CSMD1: variants seen among roughly 807,000 people sequenced by gnomAD.
The protein encoded by CSMD1 is CUB and Sushi multiple domains 1, also known as CUB and sushi domain-containing protein 1.
A neutral mutation model predicts 417.5 loss-of-function variants in CSMD1; 213 were observed. The observed-to-expected ratio is 0.51, with a 90% CI of 0.46 to 0.57. CSMD1 has a LOEUF of 0.57. Among genes scored for constraint, CSMD1 ranks in the 20% least tolerant of loss-of-function variants. CSMD1 has a pLI of 0.00. For synonymous variants in CSMD1, 2,862 were observed against 1,736.8 expected (o/e 1.65, Z -16.11); for missense variants, 6,923 against 4,529.7 (o/e 1.53, Z -15.17).
intron 7 of CSMD1, among the ~76,000 whole-genome samples, chr8:3,695,866 T>A (rs1800525732): frequency 6.6e-6 from 1 of 152,182 alleles, no homozygotes; most frequent in East Asian, 1.9e-4. Flanking sequence ...ACCATTATAT[T>A]TTTTACAAGG....
chr8:4,283,842 G>A (rs1341928651), intron 3 of CSMD1, among the ~76,000 whole-genome samples: 2 of 152,118 alleles, frequency 1.3e-5, no homozygotes, highest in African/African-American at 2.4e-5. Flanking sequence ...CCAGAAGCAT[G>A]GCTAACAGTT....
intron 1 of CSMD1, among the ~76,000 whole-genome samples, chr8:4,693,468 C>T (rs12550650): frequency 0.49 from 74,179 of 152,022 alleles, 18,367 homozygotes; most frequent in Admixed American, 0.59. Context: ...TCATTCTTCT[C>T]TAACTATGTG....
Position 4,756,080 on chromosome 8 carries a change from A to G in CSMD1, c.86-118522T>C, listed in dbSNP as rs146951681. On this transcript the variant is annotated intron_variant, in intron 1 of 69. Coordinates refer to ENST00000635120, the MANE Select transcript of CSMD1 (RefSeq NM_033225.6). ...CAACCTTTTTAAAACAAAGACCTTT[A>G]TTCTATGTATGTTCCAAAAAATTCT... 1.6e-4 allele frequency among the ~76,000 whole-genome samples: 25 copies of G among 152,348 alleles called. No individual in the cohort carries two copies. In the East Asian group the frequency reaches 4.8e-3, roughly 29 times the overall value.
intron 11 of CSMD1, among the ~76,000 whole-genome samples, chr8:3,476,743 C>T (rs1490867312): frequency 3.9e-5 from 6 of 151,954 alleles, no homozygotes; most frequent in African/African-American, 7.3e-5. Flanking sequence ...CATGATCAAA[C>T]TCCATCTCTA....
At chr8:4,403,517 C>T (rs767547114) in intron 3 of CSMD1, among the ~76,000 whole-genome samples, 2 of 152,144 alleles carry the variant, frequency 1.3e-5, no homozygotes, top group Non-Finnish European at 2.9e-5. Flanking sequence ...CCTCATCAGT[C>T]ATGACTTAGT....
At chr8:4,961,283 C>T (rs1809464580) in intron 1 of CSMD1, among the ~76,000 whole-genome samples, 1 of 152,088 alleles carries the variant, frequency 6.6e-6, no homozygotes, top group South Asian at 2.1e-4. Context: ...TCAAACGCAT[C>T]CAAAAATGGA....
chr8:4,954,951 A>G (rs758294587), intron 1 of CSMD1, among the ~76,000 whole-genome samples: 1 of 152,168 alleles, frequency 6.6e-6, no homozygotes, highest in Non-Finnish European at 1.5e-5. Flanking sequence ...TGTCTGTGAC[A>G]CTTTTATCTT....
At chr8:3,186,345 C>T (rs1401544395) in intron 36 of CSMD1, among the ~76,000 whole-genome samples, 2 of 152,120 alleles carry the variant, frequency 1.3e-5, no homozygotes, top group Non-Finnish European at 2.9e-5. Context: ...GCCTTGAGTT[C>T]TAGCTTTTAA....
At chr8:4,665,674 C>A (rs929347801) in intron 1 of CSMD1, among the ~76,000 whole-genome samples, 4 of 152,174 alleles carry the variant, frequency 2.6e-5, no homozygotes, top group African/African-American at 7.2e-5. Flanking sequence ...GGTCCACCCA[C>A]GCTGTTGCAT....
intron 1 of CSMD1, among the ~76,000 whole-genome samples, chr8:4,643,032 C>T (rs983044933): frequency 6.6e-6 from 1 of 152,208 alleles, no homozygotes; most frequent in African/African-American, 2.4e-5. Context: ...GTATAATTGT[C>T]TCCAACTCTG....
intron 46 of CSMD1, among the ~76,000 whole-genome samples, chr8:3,102,147 G>C (rs929130417): frequency 6.6e-6 from 1 of 152,130 alleles, no homozygotes; most frequent in Admixed American, 6.5e-5. Context: ...AATAGCTAAC[G>C]TAATTTTTCT....
At chr8:4,077,913 C>G (rs2554683) in intron 3 of CSMD1, among the ~76,000 whole-genome samples, 3 of 152,094 alleles carry the variant, frequency 2.0e-5, no homozygotes, top group African/African-American at 7.2e-5. Flanking sequence ...TTCCCGAAGA[C>G]CTTGCCATCA....
chr8:4,836,562 C>G (rs1281440697), intron 1 of CSMD1, among the ~76,000 whole-genome samples: 1 of 152,142 alleles, frequency 6.6e-6, no homozygotes, highest in Non-Finnish European at 1.5e-5. Flanking sequence ...GAGGTTTGAA[C>G]TTGAACTTTA....
chr8:3,626,486 T>G (rs1482438078), intron 7 of CSMD1, among the ~76,000 whole-genome samples: 1 of 152,098 alleles, frequency 6.6e-6, no homozygotes, highest in African/African-American at 2.4e-5. Flanking sequence ...TCGTTATATA[T>G]TTTAGAAACA....
At position 3,294,869 on chromosome 8, in the gene CSMD1, C is replaced by T. The variant is rs566531394; in HGVS notation, c.3951-10523G>A. 6.0e-4 allele frequency among the ~76,000 whole-genome samples: 91 copies of T among 152,220 alleles called. 2 individuals carry two copies. Among genetic ancestry groups the T allele is most frequent in the Admixed American group, 7.9e-4 (12 of 15,282 alleles). Reference sequence around the variant, plus strand: ...CCGACACTCCCCAGTGAGATGTACCCGGTACCTTAGTTGGAAATGGAGAAA... The same window carrying T: ...CCGACACTCCCCAGTGAGATGTACCTGGTACCTTAGTTGGAAATGGAGAAA... On this transcript the variant is annotated intron_variant, in intron 25 of 69. Coordinates refer to ENST00000635120, the MANE Select transcript of CSMD1 (RefSeq NM_033225.6).
chr8:3,167,387 T>C (rs1177821248), intron 37 of CSMD1, among the ~76,000 whole-genome samples: 2 of 151,930 alleles, frequency 1.3e-5, no homozygotes, highest in African/African-American at 2.4e-5. Context: ...ACCTAATACA[T>C]GACTCTGAAT....
intron 1 of CSMD1, among the ~76,000 whole-genome samples, chr8:4,727,059 G>C (rs1049260571): frequency 1.3e-5 from 2 of 152,142 alleles, no homozygotes; most frequent in Non-Finnish European, 2.9e-5. Flanking sequence ...TGGAGAAACT[G>C]AGATTGATGT....
intron 3 of CSMD1, among the ~76,000 whole-genome samples, chr8:4,177,917 C>T (rs1584964852): frequency 6.6e-6 from 1 of 151,894 alleles, no homozygotes; most frequent in African/African-American, 2.4e-5. Context: ...ATAACAGGAT[C>T]TGAAATTGTG....
intron 6 of CSMD1, among the ~76,000 whole-genome samples, chr8:3,728,371 C>A (rs1905031): frequency 0.12 from 18,568 of 152,138 alleles, 1,243 homozygotes; most frequent in East Asian, 0.25. Context: ...GTTCCTTTAT[C>A]AATTACCCAG....
Sources: gnomAD v4.1 joint callset for allele counts (sites outside exome capture counted in the v4.1 genomes callset) on GRCh38, gnomAD v4.1.1 for gene constraint, MANE v1.5 for transcripts, NCBI Gene and HGNC (gene_info 2026-07-23, HGNC 2026-07-21) for gene names.